ARHGEF10: variants seen among roughly 807,000 people sequenced by gnomAD.
ARHGEF10 encodes the protein Rho guanine nucleotide exchange factor 10.
ARHGEF10 carries 140 observed loss-of-function variants against 147.4 expected under a neutral mutation model. The ratio of observed to expected loss-of-function variants is 0.95; its 90% CI spans 0.83 to 1.09. ARHGEF10 has a LOEUF of 1.09. Among genes scored for constraint, ARHGEF10 ranks in the 50% least tolerant of loss-of-function variants. The probability of loss-of-function intolerance (pLI) is 0.00; values close to 1 mark genes in which losing one functional copy is unlikely to be tolerated. For synonymous variants in ARHGEF10, 902 were observed against 695.8 expected, an observed-to-expected ratio of 1.30 and a Z score of -4.67; for missense variants, 2,222 against 1,752.7, an observed-to-expected ratio of 1.27 and a Z score of -4.78.
chr8:1,910,127 T>G (rs1190277550), intron 18 of ARHGEF10, among the ~76,000 whole-genome samples: 3 of 152,214 alleles, frequency 2.0e-5, no homozygotes, highest in Non-Finnish European at 2.9e-5. Flanking sequence ...TGGCTAAGTT[T>G]TATTCACTTT....
intron 14 of ARHGEF10, among the ~76,000 whole-genome samples, chr8:1,897,464 G>C (rs1437069724): frequency 6.6e-6 from 1 of 151,458 alleles, no homozygotes. Flanking sequence ...ACAGTTGTGG[G>C]CTCTGTCCTA....
intron 26 of ARHGEF10, among the ~76,000 whole-genome samples, chr8:1,935,424 G>T (rs1813506780): frequency 6.6e-6 from 1 of 152,150 alleles, no homozygotes; most frequent in Non-Finnish European, 1.5e-5. Context: ...TGGGTTCACT[G>T]CCCTGGAAAT....
At chr8:1,890,203 G>A (rs1204078623) in intron 11 of ARHGEF10, among the ~76,000 whole-genome samples, 2 of 132,716 alleles carry the variant, frequency 1.5e-5, no homozygotes, top group South Asian at 5.2e-4. Context: ...ATAGGGTGAG[G>A]GTTGTGAAGA....
intron 7 of ARHGEF10, among the ~76,000 whole-genome samples, chr8:1,874,416 T>C (rs185667377): frequency 2.0e-5 from 3 of 152,206 alleles, no homozygotes; most frequent in East Asian, 3.9e-4. Flanking sequence ...ATACAGAAAA[T>C]GCAGCTCCAG....
At chr8:1,922,442 T>G (rs955498516) in intron 18 of ARHGEF10, among the ~76,000 whole-genome samples, 1 of 152,010 alleles carries the variant, frequency 6.6e-6, no homozygotes, top group South Asian at 2.1e-4. Flanking sequence ...TGAATCAAAC[T>G]CAAATTGTGA....
rs193168489 is a variant in ARHGEF10 at position 1,892,455 on chromosome 8, G to A, written c.1183-1114G>A. Among the ~76,000 whole-genome samples, 304 of 152,226 alleles carry A rather than the reference G, an allele frequency of 2.0e-3. 1 individual carries two copies. The highest frequency in any genetic ancestry group is 4.9e-3 in the Admixed American group (75 of 15,280). ...GAATAGAATAATCCTTTCTCTAAAA[G>A]GAGTAATCTCTCCATTGTTAATCAG... On this transcript the variant is annotated intron_variant, in intron 11 of 28. Transcript: ENST00000349830.
At chr8:1,850,144 TGTGG>T (rs1563174331) in intron 2 of ARHGEF10, among the ~76,000 whole-genome samples, 1,954 of 20,736 alleles carry the variant, frequency 0.094, 265 homozygotes, top group African/African-American at 0.19. Flanking sequence ...CTGAGGAGGG[TGTGG>T]GGCGGCCACG....
At chr8:1,826,536 C>T (rs1405463325) in intron 1 of ARHGEF10, among the ~76,000 whole-genome samples, 2 of 152,094 alleles carry the variant, frequency 1.3e-5, no homozygotes, top group Non-Finnish European at 2.9e-5. Context: ...TTCCCTGGCC[C>T]TGTGAGTCCA....
chr8:1,882,110 G>A (rs1428220749), intron 9 of ARHGEF10, among the ~76,000 whole-genome samples: 1 of 152,178 alleles, frequency 6.6e-6, no homozygotes, highest in Non-Finnish European at 1.5e-5. Flanking sequence ...CCTCAGGTGT[G>A]TCCCGTGCGT....
intron 11 of ARHGEF10, among the ~76,000 whole-genome samples, chr8:1,888,502 T>TGA (rs1563234995): frequency 6.5e-4 from 56 of 86,294 alleles, no homozygotes; most frequent in African/African-American, 2.7e-3. Flanking sequence ...AAGAAGTCTG[T>TGA]GGAGATACTG....
intron 17 of ARHGEF10, 46 bp from the exon 18 acceptor site, chr8:1,909,249 T>A (rs757353287): frequency 1.2e-6 from 2 of 1,612,620 alleles, no homozygotes; most frequent in Admixed American, 3.3e-5. Flanking sequence ...TACCATAACG[T>A]GTTCATGTAA....
At chr8:1,827,202 C>T (rs760334911) in intron 1 of ARHGEF10, among the ~76,000 whole-genome samples, 2 of 152,250 alleles carry the variant, frequency 1.3e-5, no homozygotes, top group Non-Finnish European at 2.9e-5. Context: ...ACTTCTGCCA[C>T]ATCTGCCACC....
intron 10 of ARHGEF10, among the ~76,000 whole-genome samples, chr8:1,883,038 A>G (rs1808352297): frequency 6.6e-6 from 1 of 152,056 alleles, no homozygotes; most frequent in Admixed American, 6.5e-5. Context: ...GTCACTGTGG[A>G]TTCTTAGTAT....
At position 1,929,302 on chromosome 8, in the gene ARHGEF10, A is replaced by G. The variant is rs761838518; in HGVS notation, c.2938A>G (p.Ser980Gly). The G allele has an allele frequency of 3.1e-6, 5 of 1,614,166 alleles. No individual in the cohort carries two copies. The change falls in exon 25 of 29, where the codon AGC (serine) becomes GGC (glycine). Residue 980 changes from serine to glycine, a missense_variant. By Grantham distance (56) the Ser-to-Gly change is moderately conservative. Transcript: ENST00000349830. ...CTCTTAAAGCATTTCCATTTATAAA[A>G]GCAGTCAAGGCTCCAAGAAAGTGAG... ...TEEGSISIYK[S>G]SQGSKKVRLQ...
intron 15 of ARHGEF10, among the ~76,000 whole-genome samples, chr8:1,899,122 C>T (rs1810255010): frequency 6.6e-6 from 1 of 152,202 alleles, no homozygotes; most frequent in Admixed American, 6.5e-5. Context: ...AACAGTAGGC[C>T]TGTTCTGAGT....
chr8:1,902,596 G>A (rs1466145638), intron 15 of ARHGEF10, among the ~76,000 whole-genome samples: 1 of 151,396 alleles, frequency 6.6e-6, no homozygotes, highest in African/African-American at 2.4e-5. Flanking sequence ...CCCCTAACAT[G>A]CATAGCCCCC....
Position 1,941,504 on chromosome 8 carries a change from T to C in ARHGEF10, c.3223-3977T>C, listed in dbSNP as rs991621632. On this transcript the variant is annotated intron_variant, in intron 26 of 28. Transcript: ENST00000349830. ...CATCCTATGTTCATAGATTGGAAGATGTACTATTGTTAAGAAGAAAACAGT... is the reference window on the plus strand; with the variant it reads ...CATCCTATGTTCATAGATTGGAAGACGTACTATTGTTAAGAAGAAAACAGT... Among the ~76,000 whole-genome samples, 52 of 151,942 alleles carry C rather than the reference T, an allele frequency of 3.4e-4. 1 individual carries two copies. The highest frequency in any genetic ancestry group is 6.6e-4 in the Non-Finnish European group (45 of 68,014).
chr8:1,894,322 C>G, intron 12 of ARHGEF10, 71 bp from the exon 13 acceptor site: 1 of 1,559,022 alleles, frequency 6.4e-7, no homozygotes, highest in Non-Finnish European at 8.8e-7. Flanking sequence ...TGCGCTGCAC[C>G]CTGGACAACA....
intron 1 of ARHGEF10, among the ~76,000 whole-genome samples, chr8:1,840,762 A>C (rs1210754307): frequency 6.6e-6 from 1 of 152,148 alleles, no homozygotes; most frequent in Non-Finnish European, 1.5e-5. Context: ...GTCTGACCTT[A>C]ACTTGGATAT....
Sources: allele counts gnomAD v4.1 joint callset (sites outside exome capture counted in the v4.1 genomes callset), GRCh38; gene constraint gnomAD v4.1.1; transcripts MANE v1.5; gene names NCBI Gene and HGNC (gene_info 2026-07-23, HGNC 2026-07-21).